The following TBCD variants were observed in gnomAD, a reference collection of about 807,000 sequenced individuals.
The protein encoded by TBCD is tubulin folding cofactor D, also known as tubulin-specific chaperone D.
In TBCD, 105 loss-of-function variants were observed where a neutral mutation model predicts 169.3. The ratio of observed to expected loss-of-function variants is 0.62; its 90% CI spans 0.53 to 0.73. The LOEUF (loss-of-function observed/expected upper bound fraction) is 0.73, where lower values mean the gene tolerates loss of function less well. Ranked by LOEUF, TBCD falls within the 30% of genes least tolerant of loss-of-function variation. The probability of loss-of-function intolerance (pLI) is 0.00; values close to 1 mark genes in which losing one functional copy is unlikely to be tolerated. For synonymous variants in TBCD, 700 were observed against 643.9 expected (o/e 1.09, Z -1.32); for missense variants, 1,444 against 1,600.1 (o/e 0.90, Z 1.66).
At chr17:82,896,444 G>T (rs1439538911) in intron 17 of TBCD, among the ~76,000 whole-genome samples, 1 of 146,702 alleles carries the variant, frequency 6.8e-6, no homozygotes, top group African/African-American at 2.5e-5. Context: ...CTGGGTGGCT[G>T]TGCTGTCAGT....
chr17:82,758,226 T>C (rs2047511868), intron 2 of TBCD, among the ~76,000 whole-genome samples: 1 of 151,394 alleles, frequency 6.6e-6, no homozygotes, highest in Non-Finnish European at 1.5e-5. Context: ...CCGTATCTAC[T>C]AAAAATGCAA....
intron 7 of TBCD, among the ~76,000 whole-genome samples, chr17:82,796,696 T>C (rs635996): frequency 0.41 from 62,382 of 152,132 alleles, 12,868 homozygotes; most frequent in Middle Eastern, 0.43. Context: ...TGTGTGCCTT[T>C]GCTGCTTCTC....
chr17:82,810,746 G>A (rs1353720683), intron 12 of TBCD, among the ~76,000 whole-genome samples: 5 of 152,340 alleles, frequency 3.3e-5, no homozygotes, highest in Non-Finnish European at 7.3e-5. Context: ...GACCCCGGGC[G>A]TGCTGTTGCT....
intron 13 of TBCD, among the ~76,000 whole-genome samples, chr17:82,820,904 C>T (rs529095131): frequency 4.6e-5 from 7 of 151,798 alleles, no homozygotes; most frequent in South Asian, 2.1e-4. Context: ...TTAGGTTCTG[C>T]ACTCATTTCA....
At chr17:82,933,335 C>G (rs2062369672) in intron 34 of TBCD, among the ~76,000 whole-genome samples, 1 of 139,960 alleles carries the variant, frequency 7.1e-6, no homozygotes, top group African/African-American at 2.7e-5. Flanking sequence ...AGTGCAGTGG[C>G]ACAATCACAG....
In TBCD at chr17:82,831,435, G is replaced by T; in HGVS notation, c.1318+16501G>T. ...GGTGAGAGCTCTGATCTCGGGTGAG[G>T]CCAGTGACAGGTGGGAGTCTGAGAC... On this transcript the variant is annotated intron_variant, in intron 13 of 38. Transcript: ENST00000355528. This position sits in a 1 kb window ranked among gnomAD's most constrained non-coding sequence, Gnocchi z 4.6. 6.2e-7 allele frequency: 1 copy of T among 1,614,198 alleles called. No individual in the cohort carries two copies. Among genetic ancestry groups the T allele is most frequent in the South Asian group, 1.1e-5 (1 of 91,084 alleles).
At chr17:82,905,310 C>T (rs1156913124) in intron 19 of TBCD, among the ~76,000 whole-genome samples, 3 of 152,252 alleles carry the variant, frequency 2.0e-5, no homozygotes, top group Non-Finnish European at 4.4e-5. Context: ...TTACCCACCC[C>T]GTCTGGGGCA....
chr17:82,924,249 C>T (rs1006822232), intron 26 of TBCD, among the ~76,000 whole-genome samples: 4 of 152,190 alleles, frequency 2.6e-5, no homozygotes, highest in African/African-American at 7.2e-5. Flanking sequence ...CCACTGCACT[C>T]GGTCAGTGTT....
intron 13 of TBCD, among the ~76,000 whole-genome samples, chr17:82,845,729 C>T (rs960805083): frequency 6.6e-6 from 1 of 152,230 alleles, no homozygotes; most frequent in African/African-American, 2.4e-5. Context: ...CCATCTTCAC[C>T]CTTTGTGACT....
Position 82,752,167 on chromosome 17 carries a change from CG to C in TBCD, c.-22del, listed in dbSNP as rs1467657147. 3 of 1,498,512 alleles carry C rather than the reference CG, an allele frequency of 2.0e-6. No homozygotes were observed. The highest frequency in any genetic ancestry group is 2.3e-5 in the Admixed American group (1 of 43,906). 92.8% of individuals were successfully genotyped at this position (1,498,512 alleles called of 1,614,324 possible). A position where few individuals can be genotyped will look rare whatever the true frequency, so the allele number is the denominator to read the frequency against. On this transcript the variant is annotated 5_prime_UTR_variant, in exon 1 of 39. Coordinates refer to ENST00000355528, the MANE Select transcript of TBCD (RefSeq NM_005993.5). ...GAGTGGGATCTGCGAACACGTGAGG[CG>C]GGGGCGCGGTCCCCAGGCTGCCGAG...
chr17:82,820,459 T>C (rs536705878), intron 13 of TBCD, among the ~76,000 whole-genome samples: 1 of 152,368 alleles, frequency 6.6e-6, no homozygotes, highest in African/African-American at 2.4e-5. Flanking sequence ...TGGGTAATAA[T>C]AACTAGCACT....
At chr17:82,790,176 TC>T (rs2049603937) in intron 7 of TBCD, among the ~76,000 whole-genome samples, 1 of 152,122 alleles carries the variant, frequency 6.6e-6, no homozygotes, top group Non-Finnish European at 1.5e-5. Flanking sequence ...TGTGAAGTGT[TC>T]CCTCTGGAGG....
At chr17:82,805,597 A>G (rs192658968) in intron 9 of TBCD, among the ~76,000 whole-genome samples, 46 of 152,236 alleles carry the variant, frequency 3.0e-4, no homozygotes, top group African/African-American at 1.0e-3. Context: ...CTGTGTACCC[A>G]TCATCTGCCT....
intron 4 of TBCD, among the ~76,000 whole-genome samples, chr17:82,767,417 T>A (rs1231034716): frequency 6.6e-6 from 1 of 152,110 alleles, no homozygotes; most frequent in Non-Finnish European, 1.5e-5. Flanking sequence ...TCCTTTTTTA[T>A]TAGAAGTTGA....
intron 2 of TBCD, among the ~76,000 whole-genome samples, chr17:82,758,493 A>ACC (rs1224707124): frequency 2.1e-5 from 3 of 145,064 alleles, no homozygotes; most frequent in African/African-American, 7.6e-5. Flanking sequence ...CAAGCGGTTC[A>ACC]CCCACCTTGG....
intron 7 of TBCD, among the ~76,000 whole-genome samples, chr17:82,793,847 C>T (rs573432596): frequency 1.0e-3 from 156 of 152,246 alleles, no homozygotes; most frequent in African/African-American, 3.5e-3. Context: ...TGCGGGGGCA[C>T]GGATGCGATT....
intron 13 of TBCD, chr17:82,830,926 A>G (rs779333991): frequency 3.1e-6 from 5 of 1,613,106 alleles, no homozygotes; most frequent in Middle Eastern, 1.6e-4. Context: ...TAGAAAAGCA[A>G]CTGCGTGAAG....
At chr17:82,775,031 G>C (rs2048501147) in intron 6 of TBCD, among the ~76,000 whole-genome samples, 1 of 152,240 alleles carries the variant, frequency 6.6e-6, no homozygotes, top group Non-Finnish European at 1.5e-5. Context: ...TGGCTCTGTG[G>C]AGTGCGGTGC....
At chr17:82,928,304 A>G (rs906223024) in intron 30 of TBCD, among the ~76,000 whole-genome samples, 4 of 152,122 alleles carry the variant, frequency 2.6e-5, no homozygotes, top group Non-Finnish European at 5.9e-5. Flanking sequence ...GCCGGGCAGG[A>G]GGTGGGGACT....
Sources: allele counts gnomAD v4.1 joint callset (sites outside exome capture counted in the v4.1 genomes callset), GRCh38; gene constraint gnomAD v4.1.1; non-coding constraint Gnocchi (gnomAD v3.1); transcripts MANE v1.5; gene names NCBI Gene and HGNC (gene_info 2026-07-23, HGNC 2026-07-21).